Variants in PHACTR3 observed in about 807,000 individuals in gnomAD.
PHACTR3 encodes the protein protein phosphatase 1, regulatory subunit 123.
A neutral mutation model predicts 66.8 loss-of-function variants in PHACTR3; 16 were observed. The ratio of observed to expected loss-of-function variants is 0.24; its 90% CI spans 0.16 to 0.36. The LOEUF is 0.36. Ranked by LOEUF, PHACTR3 falls within the 10% of genes least tolerant of loss-of-function variation. The pLI is 1.00. For missense variants in PHACTR3, 647 were observed against 719.9 expected, an observed-to-expected ratio of 0.90 and a Z score of 1.16; for synonymous variants, 323 against 292.1, an observed-to-expected ratio of 1.11 and a Z score of -1.08.
chr20:59,775,231 C>G (rs1241105901), intron 7 of PHACTR3, among the ~76,000 whole-genome samples: 1 of 152,148 alleles, frequency 6.6e-6, no homozygotes, highest in Non-Finnish European at 1.5e-5. Context: ...CTGGTACTGG[C>G]TGTGCGGGGC....
chr20:59,588,997 G>GC (rs2033116091), intron 1 of PHACTR3, among the ~76,000 whole-genome samples: 1 of 152,094 alleles, frequency 6.6e-6, no homozygotes, highest in Non-Finnish European at 1.5e-5. Context: ...GCTGCTGATG[G>GC]CCCCCCAGGC....
chr20:59,679,264 A>G (rs1190628441), intron 1 of PHACTR3, among the ~76,000 whole-genome samples: 1 of 152,156 alleles, frequency 6.6e-6, no homozygotes, highest in Non-Finnish European at 1.5e-5. Context: ...CAATGCTGTG[A>G]TGTTATTTAG....
At chr20:59,781,688 T>C (rs1601342623) in intron 7 of PHACTR3, among the ~76,000 whole-genome samples, 1 of 152,226 alleles carries the variant, frequency 6.6e-6, no homozygotes, top group South Asian at 2.1e-4. Flanking sequence ...ATATACTGTG[T>C]ACTTTATAAA....
intron 1 of PHACTR3, among the ~76,000 whole-genome samples, chr20:59,728,568 GTTA>G (rs113368944): frequency 1.5e-4 from 22 of 151,598 alleles, no homozygotes; most frequent in Non-Finnish European, 2.5e-4. Context: ...ATTACCTTTT[GTTA>G]TTATTATTAT....
intron 7 of PHACTR3, among the ~76,000 whole-genome samples, chr20:59,778,020 C>A (rs2146910897): frequency 6.6e-6 from 1 of 152,316 alleles, no homozygotes; most frequent in Non-Finnish European, 1.5e-5. Context: ...TCTAAGCCTC[C>A]TGTGAAGCTT....
chr20:59,648,022 T>C (rs1436460500), intron 1 of PHACTR3, among the ~76,000 whole-genome samples: 2 of 152,368 alleles, frequency 1.3e-5, no homozygotes, highest in East Asian at 1.9e-4. Context: ...AGGAGGTTCC[T>C]CATCTTATTA....
chr20:59,629,790 C>A (rs1265059464), intron 1 of PHACTR3, among the ~76,000 whole-genome samples: 7 of 152,206 alleles, frequency 4.6e-5, no homozygotes, highest in Non-Finnish European at 8.8e-5. Context: ...GTGGGTGGCA[C>A]CGAATGAGTG....
chr20:59,679,018 G>A (rs922963616), intron 1 of PHACTR3, among the ~76,000 whole-genome samples: 5 of 152,146 alleles, frequency 3.3e-5, no homozygotes, highest in African/African-American at 4.8e-5. Context: ...TGCTGACGCC[G>A]GTCCAGCACT....
rs8123504 is a variant in PHACTR3 at position 59,642,859 on chromosome 20, C to G, written c.118+37727C>G. Among the ~76,000 whole-genome samples the G allele has an allele frequency of 8.3e-3, 1,257 of 152,280 alleles. 13 individuals are homozygous for G. The highest frequency in any genetic ancestry group is 0.029 in the African/African-American group (1,191 of 41,568). Reference sequence around the variant, plus strand: ...GGCGTTTGCCTACAGAAAGAGCTCTCTGGTTGAATCAAAGAATTTTAAGAA... The same window carrying G: ...GGCGTTTGCCTACAGAAAGAGCTCTGTGGTTGAATCAAAGAATTTTAAGAA... On this transcript the variant is annotated intron_variant, in intron 1 of 12. Coordinates refer to ENST00000371015, the MANE Select transcript of PHACTR3 (RefSeq NM_080672.5).
At chr20:59,795,721 G>A (rs2041236231) in intron 7 of PHACTR3, among the ~76,000 whole-genome samples, 1 of 151,948 alleles carries the variant, frequency 6.6e-6, no homozygotes, top group Non-Finnish European at 1.5e-5. Context: ...TTTCATCATT[G>A]TATAATGACC....
chr20:59,591,159 C>A (rs1484014697), intron 1 of PHACTR3, among the ~76,000 whole-genome samples: 1 of 152,198 alleles, frequency 6.6e-6, no homozygotes, highest in Admixed American at 6.5e-5. Flanking sequence ...GATGAGGCAG[C>A]CTCCCCAGCA....
intron 1 of PHACTR3, among the ~76,000 whole-genome samples, chr20:59,732,085 A>G (rs769522592): frequency 6.6e-6 from 1 of 152,196 alleles, no homozygotes; most frequent in Non-Finnish European, 1.5e-5. Context: ...TTCTTCCTGC[A>G]GAACTTCTCA....
intron 8 of PHACTR3, among the ~76,000 whole-genome samples, chr20:59,816,734 G>A (rs539695671): frequency 2.0e-5 from 3 of 152,326 alleles, no homozygotes; most frequent in South Asian, 2.1e-4. Context: ...TGGATAGATG[G>A]ATGATTGTAT....
chr20:59,822,368 G>A (rs1236458207), intron 8 of PHACTR3, among the ~76,000 whole-genome samples: 1 of 147,850 alleles, frequency 6.8e-6, no homozygotes, highest in Non-Finnish European at 1.5e-5. Context: ...CTAGGATGGG[G>A]GGAAGAACAA....
intron 1 of PHACTR3, among the ~76,000 whole-genome samples, chr20:59,665,992 A>T (rs982871438): frequency 2.0e-5 from 3 of 152,062 alleles, no homozygotes; most frequent in Admixed American, 2.0e-4. Context: ...TAGTGGTTTG[A>T]GTGAGGAGGA....
At chr20:59,804,786 A>T (rs747633466) in intron 7 of PHACTR3, among the ~76,000 whole-genome samples, 3 of 152,166 alleles carry the variant, frequency 2.0e-5, no homozygotes, top group Non-Finnish European at 2.9e-5. Context: ...CACTTTTTGT[A>T]TCTTACTTTA....
At chr20:59,712,958 T>C (rs2037959111) in intron 1 of PHACTR3, among the ~76,000 whole-genome samples, 1 of 152,272 alleles carries the variant, frequency 6.6e-6, no homozygotes, top group African/African-American at 2.4e-5. Context: ...TTCTAATTTC[T>C]GGATTCTCTC....
At chr20:59,760,994 A>C (rs1457864688) in intron 4 of PHACTR3, among the ~76,000 whole-genome samples, 1 of 152,114 alleles carries the variant, frequency 6.6e-6, no homozygotes, top group African/African-American at 2.4e-5. Flanking sequence ...GATCAAACCC[A>C]GTGGCAGGAC....
At chr20:59,714,859 T>C (rs2038040583) in intron 1 of PHACTR3, among the ~76,000 whole-genome samples, 1 of 152,202 alleles carries the variant, frequency 6.6e-6, no homozygotes, top group South Asian at 2.1e-4. Context: ...TTTTTCTCAA[T>C]AATGTATTCT....
Sources: gnomAD v4.1 joint callset for allele counts (sites outside exome capture counted in the v4.1 genomes callset) on GRCh38, gnomAD v4.1.1 for gene constraint, MANE v1.5 for transcripts, NCBI Gene and HGNC (gene_info 2026-07-23, HGNC 2026-07-21) for gene names.